The following CREBBP variants were observed in gnomAD, a reference collection of about 807,000 sequenced individuals.
CREBBP encodes CREB-binding protein.
In CREBBP, 19 loss-of-function variants were observed where a neutral mutation model predicts 265.0. The ratio of observed to expected loss-of-function variants is 0.07; its 90% CI spans 0.05 to 0.11. CREBBP has a LOEUF of 0.11. Ranked by LOEUF, CREBBP falls within the 10% of genes least tolerant of loss-of-function variation. The probability of loss-of-function intolerance (pLI) is 1.00; values close to 1 mark genes in which losing one functional copy is unlikely to be tolerated. For synonymous variants in CREBBP, 1,457 were observed against 1,223.7 expected (o/e 1.19, Z -3.98); for missense variants, 2,525 against 3,219.0 (o/e 0.78, Z 5.22).
At chr16:3,830,359 G>A (rs938833919) in intron 2 of CREBBP, among the ~76,000 whole-genome samples, 26 of 152,062 alleles carry the variant, frequency 1.7e-4, no homozygotes, top group African/African-American at 5.1e-4. Flanking sequence ...CCCAGACTGC[G>A]CCACTGGACT....
chr16:3,839,518 T>C (rs2054522650), intron 2 of CREBBP, among the ~76,000 whole-genome samples: 1 of 151,722 alleles, frequency 6.6e-6, no homozygotes, highest in African/African-American at 2.4e-5. Context: ...CTGTCTCTAC[T>C]GAAAATACAA....
chr16:3,816,576 C>G (rs1466998392), intron 2 of CREBBP, among the ~76,000 whole-genome samples: 1 of 152,182 alleles, frequency 6.6e-6, no homozygotes, highest in Non-Finnish European at 1.5e-5. Context: ...TCTGAACTGT[C>G]TGGCAAGTAG....
intron 16 of CREBBP, among the ~76,000 whole-genome samples, chr16:3,763,438 G>C (rs573612178): frequency 3.3e-5 from 5 of 152,052 alleles, no homozygotes; most frequent in African/African-American, 1.2e-4. Context: ...TGGAGTTGCA[G>C]GTGTGAACCC....
chr16:3,787,028 G>A (rs975495861), intron 5 of CREBBP, among the ~76,000 whole-genome samples: 5 of 149,016 alleles, frequency 3.4e-5, no homozygotes, highest in African/African-American at 7.6e-5. Context: ...CTAAGATCGC[G>A]CCACTGCACT....
intron 1 of CREBBP, among the ~76,000 whole-genome samples, chr16:3,854,645 C>T (rs545496539): frequency 2.6e-5 from 4 of 152,364 alleles, no homozygotes; most frequent in Non-Finnish European, 5.9e-5. Context: ...ATGCCCCCTA[C>T]TTTCCAGCCA....
chr16:3,731,092 C>G lies in CREBBP; in HGVS notation c.5172+100G>C, dbSNP rs2051901842. The G allele has an allele frequency of 1.6e-6, 2 of 1,249,846 alleles. No homozygotes were observed. The highest frequency in any genetic ancestry group is 2.3e-5 in the East Asian group (1 of 42,974). The allele number at this position is 1,249,846 out of a possible 1,614,324, so 77.4% of individuals were successfully genotyped here. A position where few individuals can be genotyped will look rare whatever the true frequency, so the allele number is the denominator to read the frequency against. ...GTTCTGGAGGAGTCAGTGCAGCCACCATCAGGTACAGACACCAACCCGGGC... is the reference window on the plus strand; with the variant it reads ...GTTCTGGAGGAGTCAGTGCAGCCACGATCAGGTACAGACACCAACCCGGGC... On this transcript the variant is annotated intron_variant, in intron 30 of 30. Transcript: ENST00000262367. This position sits in a 1 kb window ranked among gnomAD's most constrained non-coding sequence, Gnocchi z 7.7.
chr16:3,864,113 G>C (rs529942080), intron 1 of CREBBP, among the ~76,000 whole-genome samples: 3 of 152,290 alleles, frequency 2.0e-5, no homozygotes, highest in Admixed American at 1.3e-4. Flanking sequence ...CAGATTCCCA[G>C]CCACCTCAGA....
intron 2 of CREBBP, among the ~76,000 whole-genome samples, chr16:3,822,278 A>G (rs1210897265): frequency 6.6e-6 from 1 of 152,178 alleles, no homozygotes; most frequent in Non-Finnish European, 1.5e-5. Flanking sequence ...AACGCACAGT[A>G]AAGGAGGCGG....
intron 3 of CREBBP, among the ~76,000 whole-genome samples, chr16:3,797,814 A>AT (rs2053637720): frequency 6.6e-6 from 1 of 152,178 alleles, no homozygotes; most frequent in Non-Finnish European, 1.5e-5. Flanking sequence ...GTGAATAAAA[A>AT]TGGCTTAAAA....
intron 5 of CREBBP, among the ~76,000 whole-genome samples, chr16:3,789,705 T>TTTGTAAAAAAAAACTACCAAAACC (rs1361509734): frequency 6.6e-6 from 1 of 151,386 alleles, no homozygotes; most frequent in Non-Finnish European, 1.5e-5. Context: ...CAATCATACT[T>TTTGTAAAAAAAAACTACCAAAACC]TTGTAAAAAA....
intron 3 of CREBBP, among the ~76,000 whole-genome samples, chr16:3,794,884 C>T (rs1277090272): frequency 2.0e-5 from 3 of 152,204 alleles, no homozygotes; most frequent in Admixed American, 6.6e-5. Flanking sequence ...ATATTTCCAG[C>T]TTGCTTCCAC....
At position 3,849,452 on chromosome 16, in the gene CREBBP, T is replaced by TGTGTGTGTG. The variant is rs2054772097; in HGVS notation, c.798+836_798+844dup. 2.0e-4 allele frequency among the ~76,000 whole-genome samples: 15 copies of TGTGTGTGTG among 76,264 alleles called. 1 individual carries two copies. The highest frequency in any genetic ancestry group is 1.1e-3 in the South Asian group (2 of 1,890). The allele number at this position is 76,264 out of a possible 152,430, so 50.0% of individuals were successfully genotyped here. The stretch of plus-strand genomic sequence containing the variant: ...GTGTGTGTGTGTGTGTGTGTGTGTG[T>TGTGTGTGTG]GTGTGTGTGTGTGTGTGTGTGTGTG... On this transcript the variant is annotated intron_variant, in intron 2 of 30. Transcript: ENST00000262367.
In CREBBP at chr16:3,731,448, G is replaced by A. The variant is rs2151317536; in HGVS notation, c.4916C>T (p.Ala1639Val). 6.3e-7 allele frequency: 1 copy of A among 1,595,362 alleles called. No individual in the cohort carries two copies. The highest frequency in any genetic ancestry group is 8.5e-7 in the Non-Finnish European group (1 of 1,172,126). ...GGGCAGGGTGTTGATGACAGGCCCA[G>A]CGTGCAGGTGGATCACGAAGAAGAC... ...KEVFFVIHLH[A>V]GPVINTLPPI... is the part of the protein sequence containing the mutation. Residue 1639 changes from alanine (A) to valine (V), a missense_variant, in exon 30 of 31, where the codon GCT becomes GTT. By Grantham distance (64) the Ala-to-Val change is moderately conservative. Coordinates refer to ENST00000262367, the MANE Select transcript of CREBBP (RefSeq NM_004380.3). The surrounding 1 kb of genome is among the most constrained non-coding windows in gnomAD (Gnocchi z 7.7).
chr16:3,726,457 CCGGG>C lies in CREBBP; in HGVS notation c.*1257_*1260del. ...CCTCAGTCTCCGGGAAGAAAAGCCTCCGGGCGGCCGCTAAGCCTGGGCCACAGTT... is the reference window on the plus strand; with the variant it reads ...CCTCAGTCTCCGGGAAGAAAAGCCTCCGGCCGCTAAGCCTGGGCCACAGTT... On this transcript the variant is annotated 3_prime_UTR_variant, in exon 31 of 31. Transcript: ENST00000262367. 4.3e-6 allele frequency: 1 copy of C among 233,366 alleles called. No homozygotes were observed. The highest frequency in any genetic ancestry group is 8.5e-6 in the Non-Finnish European group (1 of 118,090). The allele number at this position is 233,366 out of a possible 1,614,324, so 14.5% of individuals were successfully genotyped here.
chr16:3,803,182 T>A (rs1303406604), intron 3 of CREBBP, among the ~76,000 whole-genome samples: 4 of 149,270 alleles, frequency 2.7e-5, no homozygotes, highest in Non-Finnish European at 5.9e-5. Flanking sequence ...AATAAGATTA[T>A]CTTAAAATTT....
rs757269019 is a variant in CREBBP, at chr16:3,757,962, C to A, written c.3456G>T (p.Gln1152His). ...LDTGQYQEPW[Q>H]YVDDVWLMFN... ...ACATGAGCCAGACGTCGTCCACGTA[C>A]TGCCAGGGCTCTTGGTATTGCCCTG... Residue 1152 changes from glutamine to histidine, a missense_variant, in exon 18 of 31, where the codon CAG becomes CAT. This residue lies in a region of CREBBP where 252 missense variants were observed against 452.5 expected (regional missense o/e 0.56). Transcript: ENST00000262367. 6.2e-7 allele frequency: 1 copy of A among 1,613,830 alleles called. No individual in the cohort carries two copies. Among genetic ancestry groups the A allele is most frequent in the South Asian group, 1.1e-5 (1 of 91,074 alleles).
At chr16:3,735,253 T>C (rs1000067500) in intron 28 of CREBBP, among the ~76,000 whole-genome samples, 11 of 152,206 alleles carry the variant, frequency 7.2e-5, no homozygotes, top group African/African-American at 2.7e-4. Context: ...GTTCTTTTTG[T>C]TTCACATCCT....
In CREBBP at chr16:3,773,896, G is replaced by T; in HGVS notation, c.2318C>A (p.Pro773Gln). 2 of 1,612,272 alleles carry T rather than the reference G, an allele frequency of 1.2e-6. No homozygotes were observed. Among genetic ancestry groups the T allele is most frequent in the Non-Finnish European group, 1.7e-6 (2 of 1,180,022 alleles). ...GTTGGTGTGTGCACCCATCATGTTCGGAGGCTGAGGCATTCGGGAAGGAGA... is the reference window on the plus strand; with the variant it reads ...GTTGGTGTGTGCACCCATCATGTTCTGAGGCTGAGGCATTCGGGAAGGAGA... ...AISPSRMPQP[P>Q]NMMGAHTNNM... is the part of the protein sequence containing the mutation. The change falls in exon 13 of 31, where the codon CCG becomes CAG. Residue 773 changes from proline to glutamine, a missense_variant. Around this residue, in one of 19 missense-constraint regions of CREBBP, gnomAD observed 548 missense variants for 533.0 expected, o/e 1.03. Coordinates refer to ENST00000262367, the MANE Select transcript of CREBBP (RefSeq NM_004380.3).
In CREBBP at chr16:3,849,415, GT is replaced by G. The variant is rs1483513079; in HGVS notation, c.798+881del. Among the ~76,000 whole-genome samples, 35 of 6,316 alleles carry G rather than the reference GT, an allele frequency of 5.5e-3. No homozygotes were observed. In the Non-Finnish European group the frequency reaches 0.056, roughly 10 times the overall value. 4.1% of individuals were successfully genotyped at this position (6,316 alleles called of 152,430 possible). The stretch of plus-strand genomic sequence containing the variant: ...TGTGTGTGTGTGTGTGTGTGTGTGT[GT>G]GTGTGTGTGTGTGTGTGTGTGTGTG... On this transcript the variant is annotated intron_variant, in intron 2 of 30. Transcript: ENST00000262367.
Sources: allele counts gnomAD v4.1 joint callset (sites outside exome capture counted in the v4.1 genomes callset), GRCh38; gene constraint gnomAD v4.1.1; regional missense constraint gnomAD v4.1.1; non-coding constraint Gnocchi (gnomAD v3.1); transcripts MANE v1.5; gene names NCBI Gene and HGNC (gene_info 2026-07-23, HGNC 2026-07-21).